The following ITGBL1 variants were observed in gnomAD, a reference collection of about 807,000 sequenced individuals.
ITGBL1 encodes integrin subunit beta like 1.
ITGBL1 carries 51 observed loss-of-function variants against 68.5 expected under a neutral mutation model. The observed-to-expected ratio is 0.74, with a 90% CI of 0.59 to 0.94. ITGBL1 has a LOEUF of 0.94. Ranked by LOEUF, ITGBL1 falls within the 40% of genes least tolerant of loss-of-function variation. The pLI, the probability that ITGBL1 is intolerant of heterozygous loss-of-function variation, is 0.00. For missense variants in ITGBL1, 649 were observed against 647.4 expected (o/e 1.00, Z -0.03); for synonymous variants, 209 against 227.3 (o/e 0.92, Z 0.72).
chr13:101,515,079 T>C (rs753119048), intron 2 of ITGBL1, among the ~76,000 whole-genome samples: 2 of 152,070 alleles, frequency 1.3e-5, no homozygotes, highest in African/African-American at 4.8e-5. Flanking sequence ...ATGAACCAAT[T>C]TGGGATACTC....
At chr13:101,665,830 GC>G in intron 7 of ITGBL1, among the ~76,000 whole-genome samples, 1 of 152,122 alleles carries the variant, frequency 6.6e-6, no homozygotes. Context: ...ATAAGAGACT[GC>G]CAAAACCACA....
intron 3 of ITGBL1, 140 bp downstream of exon 3, chr13:101,567,985 A>C: frequency 1.5e-6 from 1 of 677,096 alleles, no homozygotes; most frequent in Non-Finnish European, 2.4e-6. Context: ...AATTCAGATA[A>C]ATCAATAGAA....
intron 2 of ITGBL1, among the ~76,000 whole-genome samples, chr13:101,470,806 A>G (rs1325772859): frequency 6.6e-6 from 1 of 152,184 alleles, no homozygotes; most frequent in Admixed American, 6.5e-5. Context: ...ATCATCCTAT[A>G]TGCTTATTCT....
At chr13:101,533,098 A>G (rs2049511144) in intron 2 of ITGBL1, among the ~76,000 whole-genome samples, 1 of 152,202 alleles carries the variant, frequency 6.6e-6, no homozygotes, top group Non-Finnish European at 1.5e-5. Flanking sequence ...TATTAATTTT[A>G]TCATTAAAAG....
rs554134907 is a variant in ITGBL1, at chr13:101,652,028, A to G, written c.1016-40557A>G. On this transcript the variant is annotated intron_variant, in intron 7 of 10. Coordinates refer to ENST00000376180, the MANE Select transcript of ITGBL1 (RefSeq NM_004791.3). ...GTTCTCTATTCTGTTGCATTGGTCTATGTGTCTGTTTTGTACCAGTACCAT... is the reference window on the plus strand; with the variant it reads ...GTTCTCTATTCTGTTGCATTGGTCTGTGTGTCTGTTTTGTACCAGTACCAT... Among the ~76,000 whole-genome samples the G allele has an allele frequency of 1.1e-3, 166 of 152,224 alleles. 1 individual carries two copies. Among genetic ancestry groups the G allele is most frequent in the African/African-American group, 3.7e-3 (152 of 41,528 alleles).
At chr13:101,470,024 G>A (rs1036151578) in intron 2 of ITGBL1, among the ~76,000 whole-genome samples, 1 of 152,140 alleles carries the variant, frequency 6.6e-6, no homozygotes, top group African/African-American at 2.4e-5. Context: ...TCTCCAGAAG[G>A]ATGTCTAGAG....
chr13:101,698,895 C>A (rs2034067975), intron 8 of ITGBL1, among the ~76,000 whole-genome samples: 1 of 152,126 alleles, frequency 6.6e-6, no homozygotes, highest in Non-Finnish European at 1.5e-5. Flanking sequence ...TTCCTCTATA[C>A]TCCTGGAATA....
At chr13:101,601,182 A>G (rs1162884260) in intron 7 of ITGBL1, among the ~76,000 whole-genome samples, 2 of 152,050 alleles carry the variant, frequency 1.3e-5, no homozygotes. Context: ...TGTGTTGAGG[A>G]AATTTATCCA....
At chr13:101,632,011 CAAA>C (rs141962556) in intron 7 of ITGBL1, among the ~76,000 whole-genome samples, 1 of 150,630 alleles carries the variant, frequency 6.6e-6, no homozygotes, top group African/African-American at 2.4e-5. Context: ...ATACGGTACA[CAAA>C]AAAAAGCAAA....
chr13:101,476,804 G>A (rs1351440583), intron 2 of ITGBL1, among the ~76,000 whole-genome samples: 3 of 152,070 alleles, frequency 2.0e-5, no homozygotes, highest in African/African-American at 7.2e-5. Context: ...TATAGCAAGT[G>A]TAAATATATA....
chr13:101,559,366 A>T (rs1020552595), intron 2 of ITGBL1, among the ~76,000 whole-genome samples: 2 of 152,200 alleles, frequency 1.3e-5, no homozygotes, highest in Admixed American at 1.3e-4. Context: ...TTAATTTTGC[A>T]TGTGAATACA....
At chr13:101,489,666 T>G (rs185719891) in intron 2 of ITGBL1, among the ~76,000 whole-genome samples, 1 of 152,338 alleles carries the variant, frequency 6.6e-6, no homozygotes, top group Non-Finnish European at 1.5e-5. Flanking sequence ...AGTATGCTTT[T>G]GAATAACATT....
At chr13:101,523,896 G>T (rs973370675) in intron 2 of ITGBL1, among the ~76,000 whole-genome samples, 3 of 152,152 alleles carry the variant, frequency 2.0e-5, no homozygotes, top group Non-Finnish European at 2.9e-5. Flanking sequence ...CAACTGCTGT[G>T]TGGTCCAGGA....
intron 2 of ITGBL1, among the ~76,000 whole-genome samples, chr13:101,475,720 T>C (rs979930569): frequency 1.5e-4 from 22 of 150,594 alleles, no homozygotes; most frequent in Non-Finnish European, 8.8e-5. Context: ...CTCCAATACA[T>C]TGGAGCAGAC....
chr13:101,585,001 G>A (rs2050527693), intron 6 of ITGBL1, among the ~76,000 whole-genome samples: 1 of 151,988 alleles, frequency 6.6e-6, no homozygotes, highest in Admixed American at 6.6e-5. Flanking sequence ...TAGAATCTGT[G>A]TATAGGACCA....
At chr13:101,492,687 C>G (rs760935353) in intron 2 of ITGBL1, among the ~76,000 whole-genome samples, 19 of 152,074 alleles carry the variant, frequency 1.2e-4, no homozygotes, top group Non-Finnish European at 2.2e-4. Context: ...CTTTTCTTTC[C>G]CTTGCTGCCC....
At chr13:101,651,269 G>A (rs76084926) in intron 7 of ITGBL1, among the ~76,000 whole-genome samples, 4,375 of 152,132 alleles carry the variant, frequency 0.029, 211 homozygotes, top group African/African-American at 0.098. Context: ...CACCAACAGC[G>A]TAAAAGCATT....
At chr13:101,652,418 C>T (rs1486152298) in intron 7 of ITGBL1, among the ~76,000 whole-genome samples, 2 of 152,166 alleles carry the variant, frequency 1.3e-5, no homozygotes, top group African/African-American at 2.4e-5. Flanking sequence ...ACAGAACCCT[C>T]TTTATAGGGT....
At chr13:101,592,600 G>A (rs906132992) in intron 6 of ITGBL1, among the ~76,000 whole-genome samples, 6 of 152,058 alleles carry the variant, frequency 3.9e-5, no homozygotes, top group South Asian at 2.1e-4. Context: ...CTACAGATTC[G>A]TTGCAATTCC....
Sources: allele counts gnomAD v4.1 joint callset (sites outside exome capture counted in the v4.1 genomes callset), GRCh38; gene constraint gnomAD v4.1.1; transcripts MANE v1.5; gene names NCBI Gene and HGNC (gene_info 2026-07-23, HGNC 2026-07-21).